The following EML5 variants were observed in gnomAD, a reference collection of about 807,000 sequenced individuals.
The protein encoded by EML5 is EMAP like 5.
A neutral mutation model predicts 250.0 loss-of-function variants in EML5; 120 were observed. The ratio of observed to expected loss-of-function variants is 0.48; its 90% CI spans 0.41 to 0.56. The LOEUF is 0.56. Ranked by LOEUF, EML5 falls within the 20% of genes least tolerant of loss-of-function variation. EML5 has a pLI of 0.00. For missense variants in EML5, 2,006 were observed against 2,437.6 expected (o/e 0.82, Z 3.73); for synonymous variants, 771 against 806.5 (o/e 0.96, Z 0.75).
chr14:88,758,852 TACA>T (rs1356369961), intron 1 of EML5, among the ~76,000 whole-genome samples: 23 of 152,194 alleles, frequency 1.5e-4, no homozygotes. Context: ...TAATACATGC[TACA>T]ACATGGATGA....
At chr14:88,723,241 A>C (rs1418243636) in intron 8 of EML5, among the ~76,000 whole-genome samples, 3 of 152,172 alleles carry the variant, frequency 2.0e-5, no homozygotes, top group Non-Finnish European at 4.4e-5. Flanking sequence ...AGTGAGGCCC[A>C]GGCTCTACAA....
chr14:88,656,727 T>C (rs900144553), intron 27 of EML5, among the ~76,000 whole-genome samples: 1 of 143,916 alleles, frequency 6.9e-6, no homozygotes, highest in African/African-American at 2.8e-5. Flanking sequence ...CCTGCCTTTT[T>C]AGAAAATTTT....
chr14:88,775,864 A>C (rs1003116497), intron 1 of EML5, among the ~76,000 whole-genome samples: 13 of 152,196 alleles, frequency 8.5e-5, no homozygotes, highest in Middle Eastern at 6.3e-3. Context: ...TGGTGGCCAC[A>C]GGGTGATTAT....
intron 33 of EML5, among the ~76,000 whole-genome samples, chr14:88,628,367 C>A (rs2090181325): frequency 6.6e-6 from 1 of 151,860 alleles, no homozygotes; most frequent in Admixed American, 6.6e-5. Context: ...CTTTATAAGA[C>A]ATTTACTTAA....
At chr14:88,739,042 G>A (rs372354235) in intron 5 of EML5, 28 bp from the exon 6 acceptor site, 28 of 1,566,814 alleles carry the variant, frequency 1.8e-5, no homozygotes, top group Middle Eastern at 3.4e-4. Context: ...ATAATTTAAC[G>A]ACAAATATTT....
At chr14:88,755,742 C>T (rs1480400078) in intron 1 of EML5, among the ~76,000 whole-genome samples, 1 of 152,000 alleles carries the variant, frequency 6.6e-6, no homozygotes, top group Non-Finnish European at 1.5e-5. Flanking sequence ...CCTATAATAT[C>T]AGTGCTTTGA....
chr14:88,700,131 A>C (rs750764798), intron 14 of EML5, among the ~76,000 whole-genome samples: 2 of 152,226 alleles, frequency 1.3e-5, no homozygotes, highest in Non-Finnish European at 1.5e-5. Context: ...TGCTGAATTA[A>C]ACAAAATTTC....
At chr14:88,759,698 A>AAAACAAAAAAAAACC (rs1555374466) in intron 1 of EML5, among the ~76,000 whole-genome samples, 5 of 142,112 alleles carry the variant, frequency 3.5e-5, no homozygotes, top group Admixed American at 1.4e-4. Context: ...AAAAAAAAAA[A>AAAACAAAAAAAAACC]AAAAAACTGG....
At chr14:88,770,338 T>C (rs1217480688) in intron 1 of EML5, among the ~76,000 whole-genome samples, 1 of 152,222 alleles carries the variant, frequency 6.6e-6, no homozygotes. Flanking sequence ...CTATTTCCTA[T>C]GCTTTTTCTA....
At chr14:88,717,839 T>C (rs1305465599) in intron 8 of EML5, among the ~76,000 whole-genome samples, 1 of 152,244 alleles carries the variant, frequency 6.6e-6, no homozygotes, top group Non-Finnish European at 1.5e-5. Flanking sequence ...AAAAGGTTAC[T>C]GCAGATGATG....
chr14:88,663,036 C>A lies in EML5; in HGVS notation c.3493G>T (p.Val1165Leu). ...AAGCACCACTGTTGTCCTACCTCCA[C>A]GCTGGGGATGGTTTGTTTTTTCCCT... Reference protein sequence around the residue: ...PRGKKQTIPSVEVEKIAWASW... With the variant: ...PRGKKQTIPSLEVEKIAWASW... Residue 1165 changes from valine to leucine, a missense_variant, in exon 24 of 44, where the codon GTG becomes TTG. Coordinates refer to ENST00000554922, the MANE Select transcript of EML5 (RefSeq NM_183387.3). The A allele has an allele frequency of 6.4e-7, 1 of 1,550,836 alleles. No individual in the cohort carries two copies. Among genetic ancestry groups the A allele is most frequent in the Non-Finnish European group, 8.7e-7 (1 of 1,146,438 alleles).
chr14:88,684,421 C>G (rs34210771), intron 20 of EML5, among the ~76,000 whole-genome samples: 22,970 of 140,760 alleles, frequency 0.16, 2,473 homozygotes, highest in African/African-American at 0.3. Context: ...CCGCCCGCCT[C>G]GGCCTCCCAA....
intron 23 of EML5, 133 bp downstream of exon 23, chr14:88,664,360 T>C: frequency 1.4e-6 from 1 of 691,796 alleles, no homozygotes; most frequent in Non-Finnish European, 2.2e-6. Flanking sequence ...TAGTAAAAAA[T>C]AATTTTGAGA....
chr14:88,764,226 G>A (rs181046862), intron 1 of EML5, among the ~76,000 whole-genome samples: 1 of 152,220 alleles, frequency 6.6e-6, no homozygotes, highest in African/African-American at 2.4e-5. Context: ...TCAAATGTTT[G>A]TCTGGATTTT....
intron 27 of EML5, among the ~76,000 whole-genome samples, chr14:88,655,250 A>T (rs1025671241): frequency 5.9e-5 from 9 of 152,160 alleles, no homozygotes; most frequent in Admixed American, 5.2e-4. Context: ...ACAGTAACCA[A>T]AACAGCATGG....
chr14:88,662,407 C>T (rs7149951), intron 24 of EML5, among the ~76,000 whole-genome samples: 26,853 of 133,082 alleles, frequency 0.2, 3,024 homozygotes, highest in East Asian at 0.49. Context: ...ACTTCTTAGG[C>T]ATATGGATTC....
At chr14:88,688,172 A>G in intron 18 of EML5, 99 bp downstream of exon 18, 2 of 1,163,674 alleles carry the variant, frequency 1.7e-6, no homozygotes, top group Non-Finnish European at 2.5e-6. Context: ...ACTGCTGGAT[A>G]GTCCAGGCAA....
intron 14 of EML5, among the ~76,000 whole-genome samples, 161 bp downstream of exon 14, chr14:88,702,285 A>C (rs563198727): frequency 5.6e-4 from 85 of 152,298 alleles, no homozygotes; most frequent in Admixed American, 3.3e-3. Flanking sequence ...CTGTAGGAAA[A>C]AAGTTTGGGG....
intron 21 of EML5, 41 bp from the exon 22 acceptor site, chr14:88,665,530 C>T (rs1167172355): frequency 6.2e-7 from 1 of 1,612,078 alleles, no homozygotes; most frequent in Non-Finnish European, 8.5e-7. Flanking sequence ...TCCCTTTTTT[C>T]TAATTTAAAG....
Sources: gnomAD v4.1 joint callset for allele counts (sites outside exome capture counted in the v4.1 genomes callset) on GRCh38, gnomAD v4.1.1 for gene constraint, MANE v1.5 for transcripts, NCBI Gene and HGNC (gene_info 2026-07-23, HGNC 2026-07-21) for gene names.